The following TMEM108 variants were observed in gnomAD, a reference collection of about 807,000 sequenced individuals.
TMEM108 encodes the protein transmembrane protein 108.
TMEM108 carries 12 observed loss-of-function variants against 35.1 expected under a neutral mutation model. That is an observed-to-expected ratio of 0.34 (90% confidence interval 0.22 to 0.55). The LOEUF (loss-of-function observed/expected upper bound fraction) is 0.55, where lower values mean the gene tolerates loss of function less well. Among genes scored for constraint, TMEM108 ranks in the 20% least tolerant of loss-of-function variants. The pLI is 0.89. For missense variants in TMEM108, 680 were observed against 753.3 expected, an observed-to-expected ratio of 0.90 and a Z score of 1.14; for synonymous variants, 287 against 308.6, an observed-to-expected ratio of 0.93 and a Z score of 0.73.
intron 2 of TMEM108, among the ~76,000 whole-genome samples, chr3:133,065,519 GTTC>G (rs2107685273): frequency 6.6e-6 from 1 of 152,126 alleles, no homozygotes; most frequent in East Asian, 1.9e-4. Context: ...CCAGAAACAG[GTTC>G]TTTCTTCCTA....
At chr3:133,326,352 C>A (rs1346021078) in intron 3 of TMEM108, among the ~76,000 whole-genome samples, 1 of 152,098 alleles carries the variant, frequency 6.6e-6, no homozygotes, top group Non-Finnish European at 1.5e-5. Context: ...ATGCAACCAG[C>A]CCCAAGGACG....
At chr3:133,283,756 C>T (rs769436756) in intron 3 of TMEM108, among the ~76,000 whole-genome samples, 1 of 152,186 alleles carries the variant, frequency 6.6e-6, no homozygotes, top group Non-Finnish European at 1.5e-5. Context: ...ATAGCGCATG[C>T]GAACTTTGAA....
intron 2 of TMEM108, among the ~76,000 whole-genome samples, chr3:133,193,902 A>G (rs1186195755): frequency 6.6e-6 from 1 of 152,060 alleles, no homozygotes; most frequent in Non-Finnish European, 1.5e-5. Flanking sequence ...AGGTTTAATG[A>G]AATACAAATG....
At chr3:133,098,438 T>G (rs1944044470) in intron 2 of TMEM108, among the ~76,000 whole-genome samples, 1 of 152,166 alleles carries the variant, frequency 6.6e-6, no homozygotes, top group Admixed American at 6.5e-5. Context: ...ATTTTGCCCT[T>G]GGCCCCTCTA....
At chr3:133,255,426 ATCT>A (rs1306129274) in intron 3 of TMEM108, among the ~76,000 whole-genome samples, 1 of 152,208 alleles carries the variant, frequency 6.6e-6, no homozygotes, top group Non-Finnish European at 1.5e-5. Context: ...CAGATTAAAC[ATCT>A]TCTTTAAAAA....
intron 3 of TMEM108, among the ~76,000 whole-genome samples, chr3:133,259,726 A>G (rs1946598468): frequency 6.6e-6 from 1 of 152,220 alleles, no homozygotes; most frequent in South Asian, 2.1e-4. Context: ...AGTGGCCACT[A>G]GTGATGATAT....
At chr3:133,365,555 C>T (rs759576773) in intron 3 of TMEM108, among the ~76,000 whole-genome samples, 26 of 152,076 alleles carry the variant, frequency 1.7e-4, no homozygotes, top group Admixed American at 2.0e-4. Context: ...TCTCTTACTC[C>T]CGCTCTCTAG....
At chr3:133,365,534 A>G (rs1354913457) in intron 3 of TMEM108, among the ~76,000 whole-genome samples, 1 of 152,162 alleles carries the variant, frequency 6.6e-6, no homozygotes, top group African/African-American at 2.4e-5. Flanking sequence ...CTCAGAGGCA[A>G]GGAGCCACTT....
chr3:133,201,292 T>C (rs1024893474), intron 2 of TMEM108, among the ~76,000 whole-genome samples: 2 of 151,664 alleles, frequency 1.3e-5, no homozygotes, highest in Non-Finnish European at 2.9e-5. Flanking sequence ...ATTTTAGACC[T>C]CTAATTAAAA....
chr3:133,274,635 G>A (rs1273174220), intron 3 of TMEM108, among the ~76,000 whole-genome samples: 1 of 152,134 alleles, frequency 6.6e-6, no homozygotes, highest in Non-Finnish European at 1.5e-5. Flanking sequence ...TGTGCTGTTG[G>A]GCAAGAAGTC....
chr3:133,368,633 A>T (rs1411354441), intron 3 of TMEM108, among the ~76,000 whole-genome samples: 1 of 151,124 alleles, frequency 6.6e-6, no homozygotes, highest in Non-Finnish European at 1.5e-5. Context: ...ACATGCACTC[A>T]CACACACACA....
intron 4 of TMEM108, chr3:133,388,508 A>G (rs1284378420): frequency 2.0e-6 from 2 of 985,218 alleles, no homozygotes; most frequent in Non-Finnish European, 2.4e-6. Context: ...GAGGAAAGAG[A>G]TCCACAATAT....
intron 3 of TMEM108, among the ~76,000 whole-genome samples, chr3:133,374,324 C>T (rs995892511): frequency 2.6e-5 from 4 of 151,850 alleles, no homozygotes; most frequent in Non-Finnish European, 4.4e-5. Context: ...TGCTATGATT[C>T]GCTGTTAAAA....
intron 2 of TMEM108, among the ~76,000 whole-genome samples, chr3:133,212,316 A>C (rs1284172921): frequency 6.6e-6 from 1 of 152,194 alleles, no homozygotes; most frequent in Non-Finnish European, 1.5e-5. Flanking sequence ...ACTTAGGAGA[A>C]AATTTTTGAG....
At chr3:133,120,335 G>A (rs1944337263) in intron 2 of TMEM108, among the ~76,000 whole-genome samples, 1 of 152,180 alleles carries the variant, frequency 6.6e-6, no homozygotes, top group South Asian at 2.1e-4. Flanking sequence ...AATATTTTGA[G>A]GGACAACTAC....
intron 2 of TMEM108, among the ~76,000 whole-genome samples, chr3:133,079,411 C>T (rs987716319): frequency 6.6e-6 from 1 of 152,124 alleles, no homozygotes; most frequent in South Asian, 2.1e-4. Context: ...TTGTAAACAA[C>T]AGAAATGGAT....
intron 2 of TMEM108, among the ~76,000 whole-genome samples, chr3:133,098,351 C>G (rs377624887): frequency 4.6e-5 from 7 of 152,304 alleles, no homozygotes; most frequent in African/African-American, 1.7e-4. Flanking sequence ...CACCCGGGGT[C>G]CCTCCCACAA....
chr3:133,208,420 C>T (rs1576383613), intron 2 of TMEM108, among the ~76,000 whole-genome samples: 1 of 152,178 alleles, frequency 6.6e-6, no homozygotes, highest in African/African-American at 2.4e-5. Flanking sequence ...GGGTTTGCCA[C>T]CATCTAGTGT....
At chr3:133,293,777 A>T (rs1000462171) in intron 3 of TMEM108, among the ~76,000 whole-genome samples, 2 of 152,044 alleles carry the variant, frequency 1.3e-5, no homozygotes, top group African/African-American at 4.8e-5. Flanking sequence ...TTTTTTTTTA[A>T]CATATTGAAG....
Sources: allele counts gnomAD v4.1 joint callset (sites outside exome capture counted in the v4.1 genomes callset), GRCh38; gene constraint gnomAD v4.1.1; transcripts MANE v1.5; gene names NCBI Gene and HGNC (gene_info 2026-07-23, HGNC 2026-07-21).